Variants in GALNTL6 observed in about 807,000 individuals in gnomAD.
GALNTL6 encodes polypeptide N-acetylgalactosaminyltransferase-like 6.
Under a neutral mutation model 73.7 loss-of-function variants are expected in GALNTL6, and 46 were observed. That is an observed-to-expected ratio of 0.62 (90% CI 0.49 to 0.80). GALNTL6 has a LOEUF of 0.80. Among genes scored for constraint, GALNTL6 ranks in the 30% least tolerant of loss-of-function variants. The probability of loss-of-function intolerance (pLI) is 0.00; values close to 1 mark genes in which losing one functional copy is unlikely to be tolerated. For synonymous variants in GALNTL6, 259 were observed against 263.7 expected (o/e 0.98, Z 0.17); for missense variants, 604 against 755.0 (o/e 0.80, Z 2.34).
At chr4:172,016,779 G>A (rs914421247) in intron 2 of GALNTL6, among the ~76,000 whole-genome samples, 12 of 151,666 alleles carry the variant, frequency 7.9e-5, no homozygotes, top group African/African-American at 2.4e-4. Context: ...TCCCTCTTAA[G>A]GATCAGACTT....
intron 3 of GALNTL6, among the ~76,000 whole-genome samples, chr4:172,308,078 T>C (rs1578938250): frequency 6.9e-6 from 1 of 145,070 alleles, no homozygotes; most frequent in East Asian, 2.1e-4. Context: ...GATTCTCAGC[T>C]TAGTCACCAT....
intron 2 of GALNTL6, among the ~76,000 whole-genome samples, chr4:171,856,261 C>T (rs923131083): frequency 1.4e-5 from 2 of 140,916 alleles, no homozygotes; most frequent in Admixed American, 1.5e-4. Context: ...CACCACCACA[C>T]CCGGCTACTT....
At chr4:172,428,986 C>G (rs981361000) in intron 5 of GALNTL6, among the ~76,000 whole-genome samples, 3 of 151,908 alleles carry the variant, frequency 2.0e-5, no homozygotes, top group African/African-American at 7.2e-5. Context: ...ATCAAGGTGC[C>G]GGCTGATTCG....
chr4:172,096,955 A>G (rs1317873059), intron 2 of GALNTL6, among the ~76,000 whole-genome samples: 1 of 152,218 alleles, frequency 6.6e-6, no homozygotes, highest in Non-Finnish European at 1.5e-5. Context: ...TTGCACGCCA[A>G]CATCAACACT....
chr4:172,782,157 T>A (rs1241798115), intron 5 of GALNTL6, among the ~76,000 whole-genome samples: 1 of 152,138 alleles, frequency 6.6e-6, no homozygotes, highest in East Asian at 1.9e-4. Flanking sequence ...TAGAAAATTT[T>A]AAAACTCATT....
chr4:172,056,275 A>G (rs1208474356), intron 2 of GALNTL6, among the ~76,000 whole-genome samples: 1 of 152,150 alleles, frequency 6.6e-6, no homozygotes, highest in Non-Finnish European at 1.5e-5. Flanking sequence ...TTGTGCCAAA[A>G]GCATAATTTT....
chr4:171,910,691 GACTTAT>G (rs1359261331), intron 2 of GALNTL6, among the ~76,000 whole-genome samples: 16 of 151,902 alleles, frequency 1.1e-4, no homozygotes, highest in African/African-American at 3.9e-4. Context: ...AACATTATCA[GACTTAT>G]ACTTCTTATG....
intron 12 of GALNTL6, among the ~76,000 whole-genome samples, chr4:173,025,488 A>C (rs1043241963): frequency 6.6e-6 from 1 of 152,248 alleles, no homozygotes; most frequent in Middle Eastern, 3.4e-3. Flanking sequence ...TTCTATAGCC[A>C]GCCCCTGCCT....
At chr4:171,960,224 C>A (rs867181935) in intron 2 of GALNTL6, among the ~76,000 whole-genome samples, 3 of 152,018 alleles carry the variant, frequency 2.0e-5, no homozygotes, top group Non-Finnish European at 4.4e-5. Flanking sequence ...CAAATTTTAC[C>A]AAAACAAATT....
intron 5 of GALNTL6, among the ~76,000 whole-genome samples, chr4:172,546,649 C>T (rs1735763616): frequency 1.3e-5 from 2 of 150,784 alleles, no homozygotes; most frequent in Non-Finnish European, 3.0e-5. Flanking sequence ...TTTTCCATTT[C>T]CTTTACACAT....
intron 5 of GALNTL6, among the ~76,000 whole-genome samples, chr4:172,678,485 A>T (rs1732436741): frequency 6.6e-6 from 1 of 152,116 alleles, no homozygotes; most frequent in Non-Finnish European, 1.5e-5. Flanking sequence ...AGCTGGGATT[A>T]CAGGCATGCG....
intron 2 of GALNTL6, among the ~76,000 whole-genome samples, chr4:171,959,449 T>G (rs1404137764): frequency 6.6e-6 from 1 of 152,190 alleles, no homozygotes; most frequent in East Asian, 1.9e-4. Flanking sequence ...ATTTGTTAAA[T>G]TGTTTAGTGT....
chr4:172,012,462 TG>T (rs960572430), intron 2 of GALNTL6, among the ~76,000 whole-genome samples: 52 of 152,270 alleles, frequency 3.4e-4, no homozygotes, highest in South Asian at 1.2e-3. Context: ...TTTTCTGTGA[TG>T]TTTTTTTCTC....
intron 2 of GALNTL6, among the ~76,000 whole-genome samples, chr4:172,167,168 A>C (rs1348086185): frequency 6.6e-6 from 1 of 152,240 alleles, no homozygotes; most frequent in African/African-American, 2.4e-5. Context: ...TTTCAAATAT[A>C]TTAAATCAGA....
chr4:173,033,023 C>T (rs1171330267), intron 12 of GALNTL6, among the ~76,000 whole-genome samples: 1 of 151,722 alleles, frequency 6.6e-6, no homozygotes, highest in African/African-American at 2.4e-5. Context: ...TTTTTTGAGA[C>T]GGAGTCTCGC....
At chr4:172,491,080 T>C (rs1733877664) in intron 5 of GALNTL6, among the ~76,000 whole-genome samples, 1 of 152,142 alleles carries the variant, frequency 6.6e-6, no homozygotes, top group Non-Finnish European at 1.5e-5. Context: ...GCTGCTGTTA[T>C]GGCATTTTAC....
chr4:172,622,944 T>G (rs1579253550), intron 5 of GALNTL6, among the ~76,000 whole-genome samples: 2 of 152,260 alleles, frequency 1.3e-5, no homozygotes, highest in Admixed American at 1.3e-4. Flanking sequence ...AAAATTTGTG[T>G]TTTTTAAGAG....
At chr4:172,537,528 C>T (rs910361668) in intron 5 of GALNTL6, among the ~76,000 whole-genome samples, 3 of 152,220 alleles carry the variant, frequency 2.0e-5, no homozygotes, top group African/African-American at 7.2e-5. Context: ...CTGGCCCAGC[C>T]ATGTAGAACT....
At chr4:172,920,025 AC>A (rs1272837345) in intron 8 of GALNTL6, among the ~76,000 whole-genome samples, 2 of 152,058 alleles carry the variant, frequency 1.3e-5, no homozygotes. Context: ...TACCACTCAA[AC>A]CTCTAGAAAC....
Sources: allele counts gnomAD v4.1 joint callset (sites outside exome capture counted in the v4.1 genomes callset), GRCh38; gene constraint gnomAD v4.1.1; transcripts MANE v1.5; gene names NCBI Gene and HGNC (gene_info 2026-07-23, HGNC 2026-07-21).